The following PCDHGA10 variants were observed in gnomAD, a reference collection of about 807,000 sequenced individuals.
PCDHGA10 encodes protocadherin gamma-A10.
PCDHGA10 carries 42 observed loss-of-function variants against 59.5 expected under a neutral mutation model. The observed-to-expected ratio is 0.71, with a 90% CI of 0.55 to 0.91. The LOEUF (loss-of-function observed/expected upper bound fraction) is 0.91, where lower values mean the gene tolerates loss of function less well. PCDHGA10 is among the 40% of genes least tolerant of loss of function. PCDHGA10 has a pLI of 0.00. For synonymous variants in PCDHGA10, 511 were observed against 517.2 expected (o/e 0.99, Z 0.16); for missense variants, 1,111 against 1,198.2 (o/e 0.93, Z 1.07).
chr5:141,427,875 C>A, intron 1 of PCDHGA10: 1 of 1,560,408 alleles, frequency 6.4e-7, no homozygotes. Flanking sequence ...GCTCACGATG[C>A]AGGCCCACGA....
intron 1 of PCDHGA10, among the ~76,000 whole-genome samples, chr5:141,470,896 T>C (rs1370454369): frequency 6.6e-6 from 1 of 151,980 alleles, no homozygotes; most frequent in Non-Finnish European, 1.5e-5. Context: ...TTTTGTTTTT[T>C]GTAGAGATGG....
chr5:141,504,755 T>A (rs953075905), intron 2 of PCDHGA10, among the ~76,000 whole-genome samples: 13 of 151,824 alleles, frequency 8.6e-5, no homozygotes, highest in Non-Finnish European at 1.5e-5. Flanking sequence ...ATTTTAGAAA[T>A]TTCTTCTCCC....
rs1049831420 is a variant in PCDHGA10 at position 141,486,549 on chromosome 5, C to T, written c.2437-8258C>T. ...AATCCACCCTCTTTCTTTCAGAGGTCACATGAGGTGTTTGTTCCTGAGAAC... is the reference window on the plus strand; with the variant it reads ...AATCCACCCTCTTTCTTTCAGAGGTTACATGAGGTGTTTGTTCCTGAGAAC... On this transcript the variant is annotated intron_variant, in intron 1 of 3. Coordinates refer to ENST00000398610, the MANE Select transcript of PCDHGA10 (RefSeq NM_018913.3). This position sits in a 1 kb window ranked among gnomAD's most constrained non-coding sequence, Gnocchi z 5.0. The T allele has an allele frequency of 3.1e-6, 5 of 1,613,982 alleles. No individual in the cohort carries two copies. In the African/African-American group the frequency reaches 4.0e-5, roughly 13 times the overall value.
intron 3 of PCDHGA10, 134 bp downstream of exon 3, chr5:141,505,615 C>T: frequency 2.0e-6 from 3 of 1,504,946 alleles, no homozygotes; most frequent in Non-Finnish European, 1.8e-6. Flanking sequence ...TCTGAAAGGA[C>T]CCACAATTCC....
At chr5:141,445,207 AAAGT>A (rs1322618652) in intron 1 of PCDHGA10, among the ~76,000 whole-genome samples, 1 of 152,196 alleles carries the variant, frequency 6.6e-6, no homozygotes, top group Non-Finnish European at 1.5e-5. Flanking sequence ...ATGCTTTTGA[AAAGT>A]AAGAGGTGCA....
intron 1 of PCDHGA10, among the ~76,000 whole-genome samples, chr5:141,453,288 A>AT (rs2098760999): frequency 2.0e-5 from 3 of 151,342 alleles, no homozygotes; most frequent in African/African-American, 7.3e-5. Flanking sequence ...TAATTTTTTA[A>AT]TTATTTATTT....
At chr5:141,445,086 A>T (rs190267063) in intron 1 of PCDHGA10, among the ~76,000 whole-genome samples, 163 of 152,322 alleles carry the variant, frequency 1.1e-3, no homozygotes, top group African/African-American at 3.6e-3. Flanking sequence ...TTGTCCCTAC[A>T]TATTTGATGT....
At chr5:141,459,723 T>G (rs1024452676) in intron 1 of PCDHGA10, among the ~76,000 whole-genome samples, 3 of 152,254 alleles carry the variant, frequency 2.0e-5, no homozygotes, top group African/African-American at 7.2e-5. Context: ...ATGCTTCCTA[T>G]TGTCAATTTT....
intron 1 of PCDHGA10, among the ~76,000 whole-genome samples, chr5:141,451,435 G>T (rs947210577): frequency 6.6e-6 from 1 of 152,234 alleles, no homozygotes; most frequent in Non-Finnish European, 1.5e-5. Flanking sequence ...AAGGGTTCCA[G>T]TTCCTTGCTG....
At chr5:141,468,960 T>TC (rs1562019766) in intron 1 of PCDHGA10, among the ~76,000 whole-genome samples, 1 of 151,348 alleles carries the variant, frequency 6.6e-6, no homozygotes, top group African/African-American at 2.4e-5. Flanking sequence ...TGGTTTTTTT[T>TC]ACCTTAGGCT....
In PCDHGA10 at chr5:141,489,184, G is replaced by T; in HGVS notation, c.2437-5623G>T. ...TCAGCTGCTGCATTCCAAGCCCTGG[G>T]TCTACCTTGGAGACAGGACAGCACA... On this transcript the variant is annotated intron_variant, in intron 1 of 3. Transcript: ENST00000398610. This position sits in a 1 kb window ranked among gnomAD's most constrained non-coding sequence, Gnocchi z 4.5. 7.8e-7 allele frequency: 1 copy of T among 1,287,330 alleles called. No homozygotes were observed. Among genetic ancestry groups the T allele is most frequent in the Non-Finnish European group, 1.1e-6 (1 of 928,816 alleles). 79.7% of individuals were successfully genotyped at this position (1,287,330 alleles called of 1,614,324 possible).
At position 141,512,346 on chromosome 5, in the gene PCDHGA10, G is replaced by A. The variant is rs1391003897; in HGVS notation, c.*1173G>A. ...CAGGCCATTCTTAGTCCCTGGGTTG[G>A]GGAGGCAGGGAGCTAGGGCAGGGAC... On this transcript the variant is annotated 3_prime_UTR_variant, in exon 4 of 4. Transcript: ENST00000398610. 6.5e-6 allele frequency: 1 copy of A among 152,876 alleles called. No individual in the cohort carries two copies. Among genetic ancestry groups the A allele is most frequent in the Non-Finnish European group, 1.5e-5 (1 of 68,232 alleles). 9.5% of individuals were successfully genotyped at this position (152,876 alleles called of 1,614,324 possible). A position where few individuals can be genotyped will look rare whatever the true frequency, so the allele number is the denominator to read the frequency against.
intron 1 of PCDHGA10, chr5:141,423,216 G>A (rs376530221): frequency 1.2e-6 from 2 of 1,613,632 alleles, no homozygotes; most frequent in African/African-American, 2.7e-5. Flanking sequence ...CGCTCACCGT[G>A]GCTGTGGCCG....
chr5:141,503,161 T>C (rs1035413931), intron 2 of PCDHGA10, among the ~76,000 whole-genome samples: 3 of 152,054 alleles, frequency 2.0e-5, no homozygotes, highest in Admixed American at 1.3e-4. Context: ...AGTATCACAA[T>C]TGCAATTACT....
intron 1 of PCDHGA10, chr5:141,422,106 C>T: frequency 6.2e-7 from 1 of 1,607,266 alleles, no homozygotes; most frequent in Non-Finnish European, 8.5e-7. Flanking sequence ...CTGAAATATT[C>T]CAATTGGATT....
At chr5:141,492,933 A>G (rs935580560) in intron 1 of PCDHGA10, among the ~76,000 whole-genome samples, 3 of 152,194 alleles carry the variant, frequency 2.0e-5, no homozygotes, top group Admixed American at 6.5e-5. Flanking sequence ...CTAGGGTCAG[A>G]GATTTGGAGG....
At chr5:141,418,732 G>A (rs747081573) in intron 1 of PCDHGA10, 1 of 1,613,994 alleles carries the variant, frequency 6.2e-7, no homozygotes, top group Non-Finnish European at 8.5e-7. Flanking sequence ...CTCAGCACGT[G>A]TTCTCTCTGG....
rs554119295 is a variant in PCDHGA10 at position 141,482,963 on chromosome 5, C to T, written c.2437-11844C>T. 1.7e-4 allele frequency among the ~76,000 whole-genome samples: 10 copies of T among 57,958 alleles called. No homozygotes were observed. In the South Asian group the frequency reaches 4.5e-3, roughly 26 times the overall value. 38.0% of individuals were successfully genotyped at this position (57,958 alleles called of 152,430 possible). On this transcript the variant is annotated intron_variant, in intron 1 of 3. Coordinates refer to ENST00000398610, the MANE Select transcript of PCDHGA10 (RefSeq NM_018913.3). The stretch of plus-strand genomic sequence containing the variant: ...TTGTGGGTGCCTGTAATTCCAGCTA[C>T]TTGAGCAGCTACTTGAGAGGTCGAG...
chr5:141,463,938 T>A (rs1378018670), intron 1 of PCDHGA10, among the ~76,000 whole-genome samples: 3 of 152,168 alleles, frequency 2.0e-5, no homozygotes, highest in Non-Finnish European at 4.4e-5. Context: ...TATAAATTTA[T>A]AGAAATCTTC....
Sources: gnomAD v4.1 joint callset for allele counts (sites outside exome capture counted in the v4.1 genomes callset) on GRCh38, gnomAD v4.1.1 for gene constraint, Gnocchi (gnomAD v3.1) non-coding constraint, MANE v1.5 for transcripts, NCBI Gene and HGNC (gene_info 2026-07-23, HGNC 2026-07-21) for gene names.